ZNF318: variants seen among roughly 807,000 people sequenced by gnomAD.
ZNF318 encodes the protein endocrine regulator.
A neutral mutation model predicts 124.2 loss-of-function variants in ZNF318; 51 were observed. That is an observed-to-expected ratio of 0.41 (90% CI 0.33 to 0.52). The LOEUF is 0.52. Ranked by LOEUF, ZNF318 falls within the 20% of genes least tolerant of loss-of-function variation. The probability of loss-of-function intolerance (pLI) is 0.23; values close to 1 mark genes in which losing one functional copy is unlikely to be tolerated. For synonymous variants in ZNF318, 1,090 were observed against 1,040.7 expected, an observed-to-expected ratio of 1.05 and a Z score of -0.91; for missense variants, 2,815 against 2,811.2, an observed-to-expected ratio of 1.00 and a Z score of -0.03.
At chr6:43,362,113 C>T (rs1471603789) in intron 2 of ZNF318, among the ~76,000 whole-genome samples, 2 of 151,726 alleles carry the variant, frequency 1.3e-5, no homozygotes, top group Non-Finnish European at 2.9e-5. Context: ...AAGCTATGAT[C>T]GTGCCACTGC....
At chr6:43,368,063 TAAAAC>T (rs560064437) in intron 1 of ZNF318, among the ~76,000 whole-genome samples, 53 of 152,248 alleles carry the variant, frequency 3.5e-4, no homozygotes, top group African/African-American at 1.2e-3. Flanking sequence ...GAACTAAAAA[TAAAAC>T]AAATTCCCAA....
rs7742660 is a variant in ZNF318 at position 43,338,772 on chromosome 6, T to C, written c.5226A>G (p.Glu1742=). The C allele has an allele frequency of 1.6e-3, 2,507 of 1,614,160 alleles. 28 individuals are homozygous for C. The African/African-American group carries it at 0.025, about 16-fold the overall frequency. ...PPQLLDIQCK[E]SQKLVEIHLR... ...GGTGGATTTCTACCAACTTCTGAGA[T>C]TCTTTGCACTGTATATCTAACAGTT... is the stretch of plus-strand genomic sequence containing the variant. The change falls in exon 10 of 10, where the codon GAA becomes GAG. Residue 1742 remains glutamate (E), a synonymous_variant. Coordinates refer to ENST00000361428, the MANE Select transcript of ZNF318 (RefSeq NM_014345.3).
chr6:43,338,151 T>G lies in ZNF318; in HGVS notation c.5847A>C (p.Gln1949His), dbSNP rs567972845. 2 of 1,614,002 alleles carry G rather than the reference T, an allele frequency of 1.2e-6. No homozygotes were observed. The highest frequency in any genetic ancestry group is 4.5e-5 in the East Asian group (2 of 44,888). The change falls in exon 10 of 10, where the codon CAA becomes CAC. Residue 1949 changes from glutamine to histidine, a missense_variant. Around this residue, in one of 4 missense-constraint regions of ZNF318, gnomAD observed 927 missense variants for 820.6 expected, o/e 1.13. Coordinates refer to ENST00000361428, the MANE Select transcript of ZNF318 (RefSeq NM_014345.3). ...CAGCCAACTCATAGATCTTTTTAAC[T>G]TGAAAGTCTTTTGATCTTTCTCTCT... ...KLKRERSKDF[Q>H]VKKIYELAVW...
intron 6 of ZNF318, among the ~76,000 whole-genome samples, chr6:43,347,452 G>A (rs1206480754): frequency 7.2e-5 from 11 of 152,242 alleles, no homozygotes; most frequent in Admixed American, 7.2e-4. Flanking sequence ...ATTTGTAATT[G>A]ATTGCATATG....
At chr6:43,352,183 T>TCATCAC (rs1554194955) in intron 5 of ZNF318, among the ~76,000 whole-genome samples, 194 bp downstream of exon 5, 21 of 110,434 alleles carry the variant, frequency 1.9e-4, no homozygotes, top group Middle Eastern at 4.4e-3. Flanking sequence ...ATCATCATCA[T>TCATCAC]CACCACCACC....
chr6:43,337,518 A>T lies in ZNF318; in HGVS notation c.6480T>A (p.Ser2160=), dbSNP rs1160585456. The T allele has an allele frequency of 6.2e-7, 1 of 1,614,208 alleles. No homozygotes were observed. The highest frequency in any genetic ancestry group is 1.1e-5 in the South Asian group (1 of 91,084). The change falls in exon 10 of 10, where the codon TCT becomes TCA. Residue 2160 remains serine, a synonymous_variant. Transcript: ENST00000361428. ...GGCAAGGAGATGGCCCAAGGCCTGC[A>T]GAATTAATTGTTTTTAATTCCAATC... is the stretch of plus-strand genomic sequence containing the variant. The part of the protein sequence containing the change: ...SLGLELKTIN[S]AGLGPSPCLP...
At position 43,337,821 on chromosome 6, in the gene ZNF318, G is replaced by A. The variant is rs760673565; in HGVS notation, c.6177C>T (p.Pro2059=). The A allele has an allele frequency of 1.0e-4, 163 of 1,614,072 alleles. No homozygotes were observed. Among genetic ancestry groups the A allele is most frequent in the Non-Finnish European group, 1.0e-4 (121 of 1,180,040 alleles). The change falls in exon 10 of 10, where the codon CCC becomes CCT. Residue 2059 remains proline (P), a synonymous_variant. Coordinates refer to ENST00000361428, the MANE Select transcript of ZNF318 (RefSeq NM_014345.3). ...VSPIGCNSSD[P]ADFEPIPSFS... The stretch of plus-strand genomic sequence containing the variant: ...AAGATGGGATTGGTTCGAAGTCAGC[G>A]GGATCGGAGGAATTACACCCTATAG...
intron 4 of ZNF318, among the ~76,000 whole-genome samples, chr6:43,353,775 T>C (rs1441907772): frequency 1.3e-5 from 2 of 152,244 alleles, no homozygotes; most frequent in African/African-American, 4.8e-5. Flanking sequence ...ATTAATAGTA[T>C]GTATTAACTC....
In ZNF318 at chr6:43,369,127, G is replaced by A. The variant is rs1581654880; in HGVS notation, c.239C>T (p.Pro80Leu). ...PSPPRGRRVS[P>L]SPPRARRGSP... is the part of the protein sequence containing the mutation. Reference sequence around the variant, plus strand: ...GCCGCGACGGGCCCGAGGCGGGGACGGGGAGACGCGACGACCCCGTGGCGG... The same window carrying A: ...GCCGCGACGGGCCCGAGGCGGGGACAGGGAGACGCGACGACCCCGTGGCGG... Residue 80 changes from proline to leucine, a missense_variant, in exon 1 of 10, where the codon CCG (proline) becomes CTG (leucine). By Grantham distance (98) the Pro-to-Leu change is moderately conservative (BLOSUM62 -3). Coordinates refer to ENST00000361428, the MANE Select transcript of ZNF318 (RefSeq NM_014345.3). 6 of 1,234,088 alleles carry A rather than the reference G, an allele frequency of 4.9e-6. No individual in the cohort carries two copies. Among genetic ancestry groups the A allele is most frequent in the East Asian group, 3.2e-5 (1 of 31,428 alleles). The allele number at this position is 1,234,088 out of a possible 1,614,324, so 76.4% of individuals were successfully genotyped here. A position where few individuals can be genotyped will look rare whatever the true frequency, so the allele number is the denominator to read the frequency against.
At chr6:43,351,525 C>T (rs532021912) in intron 5 of ZNF318, among the ~76,000 whole-genome samples, 3 of 152,188 alleles carry the variant, frequency 2.0e-5, no homozygotes, top group East Asian at 3.9e-4. Flanking sequence ...CTCTGGGAGG[C>T]CGAGGAAGGA....
Position 43,340,252 on chromosome 6 carries a change from T to C in ZNF318, c.3746A>G (p.Asn1249Ser). ...GAGTTTGATGCCAGTGTTCCTTTTA[T>C]TTTCAGCTTTTTCAGGGGAGTTCCT... Reference protein sequence around the residue: ...EGRNSPEKAENKRNTGIKLQL... With the variant: ...EGRNSPEKAESKRNTGIKLQL... Residue 1249 changes from asparagine to serine, a missense_variant, in exon 10 of 10, where the codon AAT becomes AGT. Transcript: ENST00000361428. 4 of 1,614,112 alleles carry C rather than the reference T, an allele frequency of 2.5e-6. No homozygotes were observed. Among genetic ancestry groups the C allele is most frequent in the Non-Finnish European group, 2.5e-6 (3 of 1,180,020 alleles).
chr6:43,355,239 G>A lies in ZNF318; in HGVS notation c.2095C>T (p.Pro699Ser). ...TTTGTGAGCAGGTAAGGATCCACAG[G>A]AGAAGGTGGGTGTGGATGGGACACC... is the stretch of plus-strand genomic sequence containing the variant. Reference protein sequence around the residue: ...PEVSHPHPPSPVDPYLLTKNS... With the variant: ...PEVSHPHPPSSVDPYLLTKNS... Residue 699 changes from proline (P) to serine (S), a missense_variant, in exon 4 of 10, where the codon CCT becomes TCT. By Grantham distance (74) the Pro-to-Ser change is moderately conservative. Transcript: ENST00000361428. 6.2e-7 allele frequency: 1 copy of A among 1,614,208 alleles called. No individual in the cohort carries two copies. Among genetic ancestry groups the A allele is most frequent in the Non-Finnish European group, 8.5e-7 (1 of 1,180,030 alleles).
Position 43,354,648 on chromosome 6 carries a change from C to G in ZNF318, c.2670+16G>C. On this transcript the variant is annotated intron_variant, in intron 4 of 9. Transcript: ENST00000361428. ...ACAGAAAACTCAGGCACAGGATACC[C>G]AAAGCTAATATTCACCTTTTGCTTC... 6.4e-7 allele frequency: 1 copy of G among 1,574,000 alleles called. No homozygotes were observed. Among genetic ancestry groups the G allele is most frequent in the Non-Finnish European group, 8.6e-7 (1 of 1,158,592 alleles).
chr6:43,365,372 G>T lies in ZNF318; in HGVS notation c.468C>A (p.His156Gln), dbSNP rs780039740. 1.2e-6 allele frequency: 2 copies of T among 1,614,220 alleles called. No individual in the cohort carries two copies. Among genetic ancestry groups the T allele is most frequent in the Non-Finnish European group, 1.7e-6 (2 of 1,180,044 alleles). The change falls in exon 2 of 10, where the codon CAC becomes CAA. Residue 156 changes from histidine (H) to glutamine (Q), a missense_variant. By Grantham distance (24) the His-to-Gln change is conservative (BLOSUM62 0). This residue lies in a region of ZNF318 where 1,377 missense variants were observed against 1,353.5 expected (regional missense o/e 1.02). Coordinates refer to ENST00000361428, the MANE Select transcript of ZNF318 (RefSeq NM_014345.3). ...GCCGTTCTGGTGTGCTAACACAGAA[G>T]TGGTCATTGCCAACAGTGATCCTTA... ...KSLRITVGND[H>Q]FCVSTPERRR...
At chr6:43,364,571 T>C (rs1018911762) in intron 2 of ZNF318, among the ~76,000 whole-genome samples, 64 of 152,224 alleles carry the variant, frequency 4.2e-4, no homozygotes, top group Admixed American at 2.7e-3. Flanking sequence ...GCAGAGACCA[T>C]AACAGTCATG....
Position 43,348,333 on chromosome 6 carries a change from G to T in ZNF318, c.3063C>A (p.Ser1021=), listed in dbSNP as rs768824770. 6.2e-7 allele frequency: 1 copy of T among 1,606,018 alleles called. No individual in the cohort carries two copies. The highest frequency in any genetic ancestry group is 1.1e-5 in the South Asian group (1 of 89,372). The part of the protein sequence containing the change: ...PEKVSSFSNS[S]SNKESKVNNE... ...AAAATTGAGTTGTTACCTTGTTGGA[G>T]GAGGAGTTTGAGAACGATGACACTT... Residue 1021 remains serine, a synonymous_variant, in exon 6 of 10, where the codon TCC becomes TCA. Transcript: ENST00000361428.
intron 2 of ZNF318, among the ~76,000 whole-genome samples, chr6:43,362,050 T>C (rs1356452390): frequency 6.6e-6 from 1 of 152,082 alleles, no homozygotes; most frequent in African/African-American, 2.4e-5. Context: ...TCCTAGCTAC[T>C]TGGGAGGCTG....
intron 2 of ZNF318, 97 bp from the exon 3 acceptor site, chr6:43,357,862 T>C (rs1779631259): frequency 2.7e-6 from 3 of 1,117,496 alleles, no homozygotes; most frequent in South Asian, 1.5e-5. Flanking sequence ...GGCTATAAAA[T>C]GCTTAGGGCA....
At position 43,364,245 on chromosome 6, in the gene ZNF318, C is replaced by T. The variant is rs1258554780; in HGVS notation, c.548+1047G>A. ...ACTGACCACCTCATCAAGACACACA[C>T]CAGAGTCTCTGTGCAGAGGACGTAG... On this transcript the variant is annotated intron_variant, in intron 2 of 9. Coordinates refer to ENST00000361428, the MANE Select transcript of ZNF318 (RefSeq NM_014345.3). The T allele has an allele frequency of 1.1e-5, 7 of 626,894 alleles. No homozygotes were observed. The Admixed American group carries it at 1.8e-4, about 16-fold the overall frequency. The allele number at this position is 626,894 out of a possible 1,614,324, so 38.8% of individuals were successfully genotyped here. A position where few individuals can be genotyped will look rare whatever the true frequency, so the allele number is the denominator to read the frequency against.
Sources: allele counts gnomAD v4.1 joint callset (sites outside exome capture counted in the v4.1 genomes callset), GRCh38; gene constraint gnomAD v4.1.1; regional missense constraint gnomAD v4.1.1; transcripts MANE v1.5; gene names NCBI Gene and HGNC (gene_info 2026-07-23, HGNC 2026-07-21).